EPHB1: variants seen among roughly 807,000 people sequenced by gnomAD.
The protein encoded by EPHB1 is EPH receptor B1, also known as ephrin type-B receptor 1.
In EPHB1, 30 loss-of-function variants were observed where a neutral mutation model predicts 94.4. The ratio of observed to expected loss-of-function variants is 0.32; its 90% CI spans 0.24 to 0.43. The LOEUF is 0.43. Ranked by LOEUF, EPHB1 falls within the 20% of genes least tolerant of loss-of-function variation. The pLI, the probability that EPHB1 is intolerant of heterozygous loss-of-function variation, is 1.00. For missense variants in EPHB1, 1,055 were observed against 1,308.3 expected (o/e 0.81, Z 2.99); for synonymous variants, 522 against 489.1 (o/e 1.07, Z -0.89).
At chr3:135,031,148 C>G (rs253874) in intron 3 of EPHB1, among the ~76,000 whole-genome samples, 11 of 152,152 alleles carry the variant, frequency 7.2e-5, no homozygotes, top group Non-Finnish European at 1.5e-4. Context: ...AGATGAACCC[C>G]GTACCTCAGA....
chr3:135,072,590 C>T (rs1450311535), intron 3 of EPHB1, among the ~76,000 whole-genome samples: 1 of 152,212 alleles, frequency 6.6e-6, no homozygotes, highest in Non-Finnish European at 1.5e-5. Context: ...ACCAGCCTCA[C>T]TCCTGCCTGG....
chr3:135,066,022 G>T (rs1046128326), intron 3 of EPHB1, among the ~76,000 whole-genome samples: 2 of 152,322 alleles, frequency 1.3e-5, no homozygotes, highest in East Asian at 3.9e-4. Flanking sequence ...GCTAAAGATA[G>T]GGTCCCAGTC....
intron 12 of EPHB1, among the ~76,000 whole-genome samples, chr3:135,237,277 TAC>T (rs10572168): frequency 0.48 from 70,807 of 147,096 alleles, 17,433 homozygotes; most frequent in Non-Finnish European, 0.58. Flanking sequence ...CACCAAATTC[TAC>T]ACACACACAC....
rs563335661 is a variant in EPHB1, at chr3:135,005,457, A to C, written c.805+53405A>C. Reference sequence around the variant, plus strand: ...AGAGGTGGAGCCTACAGAGGCAGGCAGGCCTCCTTGAGCTGTGGTGGGCTC... The same window carrying C: ...AGAGGTGGAGCCTACAGAGGCAGGCCGGCCTCCTTGAGCTGTGGTGGGCTC... On this transcript the variant is annotated intron_variant, in intron 3 of 15. Coordinates refer to ENST00000398015, the MANE Select transcript of EPHB1 (RefSeq NM_004441.5). 1.4e-4 allele frequency among the ~76,000 whole-genome samples: 21 copies of C among 152,350 alleles called. 1 individual carries two copies. In the South Asian group the frequency reaches 4.3e-3, roughly 32 times the overall value.
At chr3:134,899,860 C>T (rs1184155254) in intron 1 of EPHB1, among the ~76,000 whole-genome samples, 1 of 152,134 alleles carries the variant, frequency 6.6e-6, no homozygotes, top group Non-Finnish European at 1.5e-5. Flanking sequence ...AGGAAAAGGG[C>T]TTTCCAGGTG....
In EPHB1 at chr3:134,960,896, A is replaced by G. The variant is rs556260140; in HGVS notation, c.805+8844A>G. On this transcript the variant is annotated intron_variant, in intron 3 of 15. Coordinates refer to ENST00000398015, the MANE Select transcript of EPHB1 (RefSeq NM_004441.5). Reference sequence around the variant, plus strand: ...TTTCCCTGGCCTCTGTCTGGAGTAGACTACTCAGCTTCAGGGTCTCTACAT... The same window carrying G: ...TTTCCCTGGCCTCTGTCTGGAGTAGGCTACTCAGCTTCAGGGTCTCTACAT... Among the ~76,000 whole-genome samples the G allele has an allele frequency of 1.0e-4, 15 of 148,648 alleles. 1 individual carries two copies. The highest frequency in any genetic ancestry group is 9.5e-4 in the Admixed American group (14 of 14,814).
chr3:134,962,596 C>G (rs766298936), intron 3 of EPHB1, among the ~76,000 whole-genome samples: 95 of 152,338 alleles, frequency 6.2e-4, no homozygotes, highest in Non-Finnish European at 2.6e-4. Flanking sequence ...CTTCTCCCAT[C>G]TGTCTCCTTC....
At chr3:134,861,031 A>C (rs915604015) in intron 1 of EPHB1, among the ~76,000 whole-genome samples, 2 of 152,134 alleles carry the variant, frequency 1.3e-5, no homozygotes, top group African/African-American at 2.4e-5. Flanking sequence ...AGATGCAGTG[A>C]GTGGAAGAGT....
Position 135,057,579 on chromosome 3 carries a change from G to A in EPHB1, c.806-48869G>A, listed in dbSNP as rs530211164. The stretch of plus-strand genomic sequence containing the variant: ...GTCTGGGTTCTGGCTCCCTTGCCCC[G>A]CTCCTCAGAGGGGTCCTGTCCCTTT... On this transcript the variant is annotated intron_variant, in intron 3 of 15. Coordinates refer to ENST00000398015, the MANE Select transcript of EPHB1 (RefSeq NM_004441.5). Among the ~76,000 whole-genome samples, 5 of 152,176 alleles carry A rather than the reference G, an allele frequency of 3.3e-5. No individual in the cohort carries two copies. The South Asian group carries it at 6.2e-4, about 19-fold the overall frequency.
intron 3 of EPHB1, among the ~76,000 whole-genome samples, chr3:135,014,055 G>A (rs551952966): frequency 6.6e-6 from 1 of 152,292 alleles, no homozygotes; most frequent in South Asian, 2.1e-4. Flanking sequence ...TTATTGGGAG[G>A]AGGAGGTCTG....
chr3:134,858,063 A>C (rs1422924939), intron 1 of EPHB1, among the ~76,000 whole-genome samples: 1 of 152,028 alleles, frequency 6.6e-6, no homozygotes, highest in Non-Finnish European at 1.5e-5. Flanking sequence ...AGGAGGTCTT[A>C]GCTTGTGATA....
intron 3 of EPHB1, among the ~76,000 whole-genome samples, chr3:135,037,722 T>A (rs752893379): frequency 2.0e-5 from 3 of 152,212 alleles, no homozygotes; most frequent in African/African-American, 4.8e-5. Context: ...GTCTTATTAC[T>A]GAACAAGCCA....
At chr3:135,111,688 CT>C (rs1347128989) in intron 4 of EPHB1, among the ~76,000 whole-genome samples, 3 of 151,870 alleles carry the variant, frequency 2.0e-5, no homozygotes, top group South Asian at 2.1e-4. Flanking sequence ...CATTTTCACT[CT>C]TTTTTTTTGA....
chr3:134,925,889 C>A lies in EPHB1; in HGVS notation c.123+9C>A. 1 of 1,595,274 alleles carries A rather than the reference C, an allele frequency of 6.3e-7. No homozygotes were observed. The highest frequency in any genetic ancestry group is 8.5e-7 in the Non-Finnish European group (1 of 1,170,240). ...CCAATCCTGCGTCCGGGGTGAGTAT[C>A]AAACCATTCGTCTTTCAGTCCTGCT... On this transcript the variant is annotated intron_variant, in intron 2 of 15. Transcript: ENST00000398015.
chr3:135,167,955 G>T (rs932781873), intron 9 of EPHB1, among the ~76,000 whole-genome samples: 14 of 152,214 alleles, frequency 9.2e-5, no homozygotes, highest in East Asian at 1.9e-4. Context: ...TCCACAGGGG[G>T]GTTCTTCTGG....
chr3:135,243,613 G>A (rs899021439), intron 13 of EPHB1, among the ~76,000 whole-genome samples: 5 of 152,202 alleles, frequency 3.3e-5, no homozygotes, highest in Non-Finnish European at 7.3e-5. Flanking sequence ...CTGGGAGAGA[G>A]CCAGGAGGGG....
At chr3:135,206,451 G>A (rs1367469286) in intron 12 of EPHB1, among the ~76,000 whole-genome samples, 1 of 152,014 alleles carries the variant, frequency 6.6e-6, no homozygotes, top group Admixed American at 6.5e-5. Context: ...TCTCAATTCT[G>A]CTCTTTTAAT....
chr3:134,825,151 C>T (rs937493598), intron 1 of EPHB1, among the ~76,000 whole-genome samples: 13 of 152,200 alleles, frequency 8.5e-5, no homozygotes, highest in Non-Finnish European at 1.2e-4. Context: ...TGGTCACAGT[C>T]CTGGCATGTG....
rs1263463643 is a variant in EPHB1 at position 135,032,610 on chromosome 3, C to T, written c.806-73838C>T. ...TGAGGCACTGAAAGGTGATCAGCAG[C>T]TCTATGTGAGTGGCGGGGGCTGATT... is the stretch of plus-strand genomic sequence containing the variant. On this transcript the variant is annotated intron_variant, in intron 3 of 15. Coordinates refer to ENST00000398015, the MANE Select transcript of EPHB1 (RefSeq NM_004441.5). Among the ~76,000 whole-genome samples, 3 of 152,168 alleles carry T rather than the reference C, an allele frequency of 2.0e-5. No homozygotes were observed. The South Asian group carries it at 6.2e-4, about 32-fold the overall frequency.
Sources: gnomAD v4.1 joint callset for allele counts (sites outside exome capture counted in the v4.1 genomes callset) on GRCh38, gnomAD v4.1.1 for gene constraint, MANE v1.5 for transcripts, NCBI Gene and HGNC (gene_info 2026-07-23, HGNC 2026-07-21) for gene names.